Variants in ALK observed in about 807,000 individuals in gnomAD.
The protein encoded by ALK is ALK receptor tyrosine kinase, also known as ALK tyrosine kinase receptor.
A neutral mutation model predicts 163.1 loss-of-function variants in ALK; 74 were observed. That is an observed-to-expected ratio of 0.45 (90% CI 0.38 to 0.55). The LOEUF is 0.55. Among genes scored for constraint, ALK ranks in the 20% least tolerant of loss-of-function variants. The probability of loss-of-function intolerance (pLI) is 0.00; values close to 1 mark genes in which losing one functional copy is unlikely to be tolerated. For synonymous variants in ALK, 960 were observed against 843.2 expected (o/e 1.14, Z -2.40); for missense variants, 2,063 against 2,105.3 (o/e 0.98, Z 0.39).
intron 6 of ALK, among the ~76,000 whole-genome samples, chr2:29,323,863 A>G (rs905299738): frequency 3.3e-5 from 5 of 152,216 alleles, no homozygotes; most frequent in African/African-American, 1.2e-4. Flanking sequence ...GCACACTGGA[A>G]GACTTCAAAA....
Position 29,229,052 on chromosome 2 carries a change from A to G in ALK, c.2647T>C (p.Trp883Arg). ...CAGAGCAAGGAAGTGTTATCATTCC[A>G]GCCACCTCCACCACCTGCGGGAAGA... ...NSGAAGGGGG[W>R]NDNTSLLWAG... The change falls in exon 16 of 29, where the codon TGG becomes CGG. Residue 883 changes from tryptophan (W) to arginine (R), a missense_variant. Transcript: ENST00000389048. 1 of 1,613,440 alleles carries G rather than the reference A, an allele frequency of 6.2e-7. No individual in the cohort carries two copies. The highest frequency in any genetic ancestry group is 2.2e-5 in the East Asian group (1 of 44,804).
chr2:29,503,543 T>C (rs1205678295), intron 4 of ALK, among the ~76,000 whole-genome samples: 2 of 152,200 alleles, frequency 1.3e-5, no homozygotes, highest in Non-Finnish European at 2.9e-5. Flanking sequence ...ATGGGCACCG[T>C]ACCATGGCAC....
intron 5 of ALK, among the ~76,000 whole-genome samples, chr2:29,381,456 C>G (rs760771726): frequency 6.6e-6 from 1 of 152,204 alleles, no homozygotes; most frequent in African/African-American, 2.4e-5. Flanking sequence ...GTCTCCAATG[C>G]GGGGAGAATT....
intron 4 of ALK, among the ~76,000 whole-genome samples, chr2:29,429,551 A>C (rs1670224666): frequency 6.6e-6 from 1 of 152,204 alleles, no homozygotes. Flanking sequence ...ACTCTGAAAA[A>C]CTACAAAACA....
intron 4 of ALK, among the ~76,000 whole-genome samples, chr2:29,528,835 CTG>C (rs1234876307): frequency 6.6e-6 from 1 of 152,152 alleles, no homozygotes; most frequent in Non-Finnish European, 1.5e-5. Context: ...CTATGTGACT[CTG>C]TGATCAGCCG....
At chr2:29,890,068 G>T (rs1342591201) in intron 1 of ALK, among the ~76,000 whole-genome samples, 1 of 152,212 alleles carries the variant, frequency 6.6e-6, no homozygotes, top group Non-Finnish European at 1.5e-5. Context: ...GCATCTGCAA[G>T]TAGGAGAGAG....
intron 4 of ALK, among the ~76,000 whole-genome samples, chr2:29,454,965 G>A (rs879792769): frequency 1.3e-5 from 2 of 152,192 alleles, no homozygotes; most frequent in Non-Finnish European, 2.9e-5. Flanking sequence ...AGCGGGCTCA[G>A]AGAAGAAAAT....
intron 1 of ALK, among the ~76,000 whole-genome samples, chr2:29,761,523 T>A (rs1017603139): frequency 2.4e-4 from 37 of 152,150 alleles, no homozygotes; most frequent in African/African-American, 8.4e-4. Flanking sequence ...GAGATGTAAA[T>A]CCTTTAAAAG....
intron 1 of ALK, among the ~76,000 whole-genome samples, chr2:29,918,251 T>C (rs1255869659): frequency 6.6e-6 from 1 of 152,222 alleles, no homozygotes; most frequent in East Asian, 1.9e-4. Context: ...CTGGATTCTA[T>C]GGTCATTTGA....
At chr2:29,714,845 G>A (rs1679202345) in intron 2 of ALK, among the ~76,000 whole-genome samples, 1 of 152,196 alleles carries the variant, frequency 6.6e-6, no homozygotes, top group African/African-American at 2.4e-5. Context: ...TGGCCTCTTT[G>A]ATTCATAGAC....
intron 3 of ALK, among the ~76,000 whole-genome samples, chr2:29,652,468 C>T (rs566218046): frequency 1.3e-5 from 2 of 152,202 alleles, no homozygotes; most frequent in South Asian, 4.2e-4. Flanking sequence ...ATTTTCGATC[C>T]CATTTCTTGG....
intron 5 of ALK, among the ~76,000 whole-genome samples, chr2:29,345,441 A>T (rs1001546412): frequency 1.3e-5 from 2 of 150,770 alleles, no homozygotes; most frequent in Non-Finnish European, 3.0e-5. Context: ...TAAATAAATA[A>T]ATAAATAAAT....
At chr2:29,436,018 C>A (rs1670386826) in intron 4 of ALK, among the ~76,000 whole-genome samples, 1 of 151,960 alleles carries the variant, frequency 6.6e-6, no homozygotes, top group African/African-American at 2.4e-5. Context: ...TATTATAAAA[C>A]CATTGGGAAG....
Position 29,735,579 on chromosome 2 carries a change from G to A in ALK, c.668-17882C>T, listed in dbSNP as rs556766137. The stretch of plus-strand genomic sequence containing the variant: ...TATTCTTTATTGACATGGTTTGACC[G>A]TGTCCCCACCCAAATCTCATCTTGA... On this transcript the variant is annotated intron_variant, in intron 1 of 28. Coordinates refer to ENST00000389048, the MANE Select transcript of ALK (RefSeq NM_004304.5). Among the ~76,000 whole-genome samples the A allele has an allele frequency of 1.4e-3, 212 of 152,030 alleles. 3 individuals carry two copies. Among genetic ancestry groups the A allele is most frequent in the African/African-American group, 4.8e-3 (197 of 41,364 alleles).
At chr2:29,442,182 G>A (rs918501352) in intron 4 of ALK, among the ~76,000 whole-genome samples, 14 of 151,936 alleles carry the variant, frequency 9.2e-5, no homozygotes, top group Admixed American at 4.6e-4. Context: ...ACACTTGACC[G>A]GTAAAAAGAG....
intron 3 of ALK, among the ~76,000 whole-genome samples, chr2:29,597,548 G>A (rs1037868019): frequency 2.0e-5 from 3 of 152,156 alleles, no homozygotes; most frequent in East Asian, 1.9e-4. Context: ...TAACAGGAAA[G>A]GTGACTCATA....
chr2:29,197,756 T>A (rs1018656436), intron 26 of ALK, 80 bp from the exon 27 acceptor site: 7 of 1,236,396 alleles, frequency 5.7e-6, no homozygotes, highest in Non-Finnish European at 8.3e-6. Context: ...CACACAGACA[T>A]ACAATTTCAA....
chr2:29,252,484 T>A (rs1430006791), intron 11 of ALK, among the ~76,000 whole-genome samples: 1 of 152,212 alleles, frequency 6.6e-6, no homozygotes, highest in East Asian at 1.9e-4. Flanking sequence ...TTTAATTACG[T>A]AAATGTGAAA....
intron 1 of ALK, among the ~76,000 whole-genome samples, chr2:29,847,962 G>A (rs1665889730): frequency 6.6e-6 from 1 of 152,042 alleles, no homozygotes; most frequent in South Asian, 2.1e-4. Context: ...TTGTCTAGTG[G>A]CGAGACAAAC....
Sources: allele counts gnomAD v4.1 joint callset (sites outside exome capture counted in the v4.1 genomes callset), GRCh38; gene constraint gnomAD v4.1.1; transcripts MANE v1.5; gene names NCBI Gene and HGNC (gene_info 2026-07-23, HGNC 2026-07-21).